NDUFAF2: variants seen among roughly 807,000 people sequenced by gnomAD.
The protein encoded by NDUFAF2 is NADH:ubiquinone oxidoreductase complex assembly factor 2, also known as NADH dehydrogenase [ubiquinone] 1 alpha subcomplex assembly factor 2.
NDUFAF2 carries 13 observed loss-of-function variants against 22.8 expected under a neutral mutation model. That is an observed-to-expected ratio of 0.57 (90% CI 0.37 to 0.91). The LOEUF is 0.91. Ranked by LOEUF, NDUFAF2 falls within the 40% of genes least tolerant of loss-of-function variation. The pLI is 0.01. For missense variants in NDUFAF2, 162 were observed against 195.2 expected (o/e 0.83, Z 1.01); for synonymous variants, 53 against 64.2 (o/e 0.83, Z 0.84).
At chr5:61,057,323 A>G (rs1752112328) in intron 1 of NDUFAF2, among the ~76,000 whole-genome samples, 1 of 152,208 alleles carries the variant, frequency 6.6e-6, no homozygotes, top group Non-Finnish European at 1.5e-5. Flanking sequence ...CTTGGAAAAC[A>G]GGATTGTAGG....
chr5:61,029,304 A>G (rs1349088056), intron 1 of NDUFAF2, among the ~76,000 whole-genome samples: 1 of 152,162 alleles, frequency 6.6e-6, no homozygotes, highest in African/African-American at 2.4e-5. Flanking sequence ...AAAAATAAAA[A>G]TAAAAGGTAC....
At chr5:61,129,544 A>C (rs2111810751) in intron 3 of NDUFAF2, among the ~76,000 whole-genome samples, 1 of 152,116 alleles carries the variant, frequency 6.6e-6, no homozygotes, top group East Asian at 1.9e-4. Flanking sequence ...TTGCAAGGAC[A>C]AAAAACCAAA....
chr5:60,955,190 G>A (rs1750599216), intron 1 of NDUFAF2, among the ~76,000 whole-genome samples: 1 of 152,140 alleles, frequency 6.6e-6, no homozygotes, highest in African/African-American at 2.4e-5. Flanking sequence ...TAAGAGTTTT[G>A]TAGTTTAAGG....
chr5:61,136,013 A>G (rs1200089293), intron 3 of NDUFAF2, among the ~76,000 whole-genome samples: 1 of 23,074 alleles, frequency 4.3e-5, no homozygotes, highest in African/African-American at 1.0e-4. Context: ...CTTTATATAT[A>G]TATATATATA....
intron 3 of NDUFAF2, among the ~76,000 whole-genome samples, chr5:61,102,548 G>T (rs1016643203): frequency 2.0e-5 from 3 of 151,996 alleles, no homozygotes; most frequent in Non-Finnish European, 4.4e-5. Flanking sequence ...AGACATAAAA[G>T]CCAAACTATT....
Position 61,006,526 on chromosome 5 carries a change from C to G in NDUFAF2, c.127+61144C>G, listed in dbSNP as rs537195447. Among the ~76,000 whole-genome samples, 4 of 152,158 alleles carry G rather than the reference C, an allele frequency of 2.6e-5. No homozygotes were observed. The South Asian group carries it at 6.2e-4, about 24-fold the overall frequency. On this transcript the variant is annotated intron_variant, in intron 1 of 3. Coordinates refer to ENST00000296597, the MANE Select transcript of NDUFAF2 (RefSeq NM_174889.5). ...GGATGGCATTGAATCTATAAATTAC[C>G]TTGGGCAGTGTGGCCATTTTCACGA... is the stretch of plus-strand genomic sequence containing the variant.
intron 1 of NDUFAF2, among the ~76,000 whole-genome samples, chr5:61,025,968 A>T (rs1012756100): frequency 6.6e-6 from 1 of 152,084 alleles, no homozygotes; most frequent in Non-Finnish European, 1.5e-5. Context: ...TTTTTAAAAA[A>T]GTTAACTCTT....
intron 3 of NDUFAF2, among the ~76,000 whole-genome samples, chr5:61,132,753 C>G (rs961714263): frequency 6.6e-6 from 1 of 152,032 alleles, no homozygotes; most frequent in African/African-American, 2.4e-5. Flanking sequence ...ATAGTTGTTT[C>G]GAGTAGTAAC....
intron 1 of NDUFAF2, among the ~76,000 whole-genome samples, chr5:61,025,301 A>G (rs1751635962): frequency 6.6e-6 from 1 of 152,084 alleles, no homozygotes; most frequent in Admixed American, 6.6e-5. Context: ...TACTTGTTTT[A>G]CAGATCATCC....
chr5:61,035,159 C>T (rs904419135), intron 1 of NDUFAF2, among the ~76,000 whole-genome samples: 14 of 151,602 alleles, frequency 9.2e-5, no homozygotes, highest in African/African-American at 2.4e-4. Context: ...CTCTGAACCC[C>T]GGGCTCAAGC....
intron 1 of NDUFAF2, among the ~76,000 whole-genome samples, chr5:61,060,809 G>A (rs986707575): frequency 6.6e-6 from 1 of 152,114 alleles, no homozygotes; most frequent in African/African-American, 2.4e-5. Context: ...TATGCTTGTG[G>A]GTTACAGCTC....
chr5:61,126,749 T>G (rs1280778827), intron 3 of NDUFAF2, among the ~76,000 whole-genome samples: 1 of 151,864 alleles, frequency 6.6e-6, no homozygotes, highest in Non-Finnish European at 1.5e-5. Flanking sequence ...TGGATTCACC[T>G]AAGAAAACAT....
intron 1 of NDUFAF2, among the ~76,000 whole-genome samples, chr5:60,965,778 CTTAAG>C (rs1284066435): frequency 6.6e-5 from 10 of 152,206 alleles, no homozygotes; most frequent in South Asian, 4.1e-4. Flanking sequence ...TCAATAGACA[CTTAAG>C]TTAATTCCCT....
intron 2 of NDUFAF2, among the ~76,000 whole-genome samples, chr5:61,087,416 G>A (rs1177063961): frequency 6.6e-6 from 1 of 152,062 alleles, no homozygotes; most frequent in African/African-American, 2.4e-5. Context: ...TAGTCATCAA[G>A]GGATACTAAT....
At chr5:60,950,718 C>G (rs1750533891) in intron 1 of NDUFAF2, among the ~76,000 whole-genome samples, 2 of 147,902 alleles carry the variant, frequency 1.4e-5, no homozygotes, top group Non-Finnish European at 3.0e-5. Context: ...AATTAATAGA[C>G]TTTATTTTTT....
At chr5:61,099,153 T>C in intron 3 of NDUFAF2, 121 bp downstream of exon 3, 1 of 429,846 alleles carries the variant, frequency 2.3e-6, no homozygotes, top group Admixed American at 4.1e-5. Flanking sequence ...AGAAAATAAC[T>C]TAAAACATTT....
intron 1 of NDUFAF2, among the ~76,000 whole-genome samples, chr5:60,996,467 G>A (rs1751230260): frequency 6.6e-6 from 1 of 152,028 alleles, no homozygotes; most frequent in Non-Finnish European, 1.5e-5. Flanking sequence ...TAAACAGAAG[G>A]AAGGGGTCTA....
At chr5:61,147,648 A>G (rs1369352357) in intron 3 of NDUFAF2, among the ~76,000 whole-genome samples, 2 of 151,932 alleles carry the variant, frequency 1.3e-5, no homozygotes, top group Non-Finnish European at 1.5e-5. Flanking sequence ...CAATGATGGA[A>G]ATGTTTTATA....
At chr5:61,062,685 G>T (rs1380246695) in intron 1 of NDUFAF2, among the ~76,000 whole-genome samples, 2 of 152,074 alleles carry the variant, frequency 1.3e-5, no homozygotes, top group Non-Finnish European at 2.9e-5. Context: ...GAGAGATATG[G>T]ATATCCAGAT....
Sources: gnomAD v4.1 joint callset for allele counts (sites outside exome capture counted in the v4.1 genomes callset) on GRCh38, gnomAD v4.1.1 for gene constraint, MANE v1.5 for transcripts, NCBI Gene and HGNC (gene_info 2026-07-23, HGNC 2026-07-21) for gene names.